The following EPHX4 variants were observed in gnomAD, a reference collection of about 807,000 sequenced individuals.
EPHX4 encodes abhydrolase domain containing 7.
A neutral mutation model predicts 44.9 loss-of-function variants in EPHX4; 31 were observed. That is an observed-to-expected ratio of 0.69 (90% CI 0.52 to 0.93). The LOEUF (loss-of-function observed/expected upper bound fraction) is 0.93. EPHX4 is among the 40% of genes least tolerant of loss of function. The pLI is 0.00. For missense variants in EPHX4, 373 were observed against 438.1 expected (o/e 0.85, Z 1.33); for synonymous variants, 151 against 159.7 (o/e 0.95, Z 0.41).
At chr1:92,031,364 G>A (rs1688357707) in intron 1 of EPHX4, among the ~76,000 whole-genome samples, 1 of 152,100 alleles carries the variant, frequency 6.6e-6, no homozygotes, top group Non-Finnish European at 1.5e-5. Flanking sequence ...TGCAGCTGAG[G>A]GTAAAGTCAG....
At chr1:92,048,252 A>T (rs1688609506) in intron 4 of EPHX4, among the ~76,000 whole-genome samples, 1 of 152,182 alleles carries the variant, frequency 6.6e-6, no homozygotes, top group Admixed American at 6.5e-5. Flanking sequence ...TTAGGATTCA[A>T]ATGTCCTGAG....
intron 1 of EPHX4, among the ~76,000 whole-genome samples, chr1:92,030,640 C>T (rs1279476145): frequency 6.6e-6 from 1 of 152,094 alleles, no homozygotes; most frequent in African/African-American, 2.4e-5. Context: ...TGCTCTTTTT[C>T]CTACTGCAAG....
At chr1:92,032,652 T>G (rs1181476183) in intron 2 of EPHX4, 62 bp downstream of exon 2, 5 of 1,324,832 alleles carry the variant, frequency 3.8e-6, no homozygotes, top group African/African-American at 1.4e-5. Context: ...TCAGTTCATT[T>G]TGTGCTGCTG....
chr1:92,030,261 C>A lies in EPHX4; in HGVS notation c.182C>A (p.Ala61Glu). ...CGGCCCGCCCGGGAGCACCCTCCCG[C>A]GTGCCTGAGCGACCCCTCCTTGGGC... is the stretch of plus-strand genomic sequence containing the variant. ...FRRPAREHPP[A>E]CLSDPSLGTH... Residue 61 changes from alanine (A) to glutamate (E), a missense_variant, in exon 1 of 7, where the codon GCG becomes GAG. By Grantham distance (107) the Ala-to-Glu change is moderately radical. Transcript: ENST00000370383. 6.2e-7 allele frequency: 1 copy of A among 1,601,300 alleles called. No homozygotes were observed. Among genetic ancestry groups the A allele is most frequent in the African/African-American group, 1.3e-5 (1 of 74,684 alleles).
At chr1:92,030,417 G>A in intron 1 of EPHX4, 107 bp downstream of exon 1, 1 of 1,037,240 alleles carries the variant, frequency 9.6e-7, no homozygotes, top group South Asian at 1.7e-5. Flanking sequence ...GTCCCCTAGT[G>A]TCCTGGCAGG....
chr1:92,044,245 T>C (rs1448822258), intron 3 of EPHX4, among the ~76,000 whole-genome samples: 1 of 152,156 alleles, frequency 6.6e-6, no homozygotes, highest in Non-Finnish European at 1.5e-5. Flanking sequence ...TCACATACAA[T>C]ATTGTCATTT....
At chr1:92,057,620 G>A (rs1403158367) in intron 6 of EPHX4, among the ~76,000 whole-genome samples, 4 of 149,228 alleles carry the variant, frequency 2.7e-5, no homozygotes, top group Non-Finnish European at 5.9e-5. Context: ...TTTTTTTTGA[G>A]ACGGAGTCTT....
intron 2 of EPHX4, among the ~76,000 whole-genome samples, chr1:92,034,746 A>T (rs770235012): frequency 1.0e-4 from 15 of 150,472 alleles, no homozygotes; most frequent in Non-Finnish European, 1.8e-4. Flanking sequence ...GGTTCAAGTG[A>T]TTCTCCAGCC....
chr1:92,052,426 C>T (rs1557885504), intron 5 of EPHX4, 84 bp from the exon 6 acceptor site: 8 of 1,327,930 alleles, frequency 6.0e-6, no homozygotes, highest in Non-Finnish European at 8.3e-6. Context: ...ACACAATGAC[C>T]ACCATCCCCT....
intron 1 of EPHX4, among the ~76,000 whole-genome samples, chr1:92,031,026 C>T (rs1042412454): frequency 2.6e-5 from 4 of 152,152 alleles, no homozygotes; most frequent in African/African-American, 9.7e-5. Flanking sequence ...CCGTGATACA[C>T]CCTGCAGTCT....
Position 92,052,520 on chromosome 1 carries a change from A to T in EPHX4, c.719A>T (p.His240Leu). 1.3e-6 allele frequency: 2 copies of T among 1,598,910 alleles called. No individual in the cohort carries two copies. The highest frequency in any genetic ancestry group is 1.7e-6 in the Non-Finnish European group (2 of 1,175,402). The change falls in exon 6 of 7, where the codon CAT (histidine) becomes CTT (leucine). Residue 240 changes from histidine (H) to leucine (L), a missense_variant. Transcript: ENST00000370383. The part of the protein sequence containing the change: ...FSINDFKVLK[H>L]LFTSHSTGIG... ...TCTCACTTAAATTAGGTTTTGAAAC[A>T]TCTGTTTACCAGTCACAGCACTGGC...
At chr1:92,054,204 G>C (rs1647316344) in intron 6 of EPHX4, among the ~76,000 whole-genome samples, 1 of 152,116 alleles carries the variant, frequency 6.6e-6, no homozygotes, top group East Asian at 1.9e-4. Context: ...CAGGAAGCCT[G>C]GCAGAAACAA....
Position 92,032,485 on chromosome 1 carries a change from T to C in EPHX4, c.232-20T>C, listed in dbSNP as rs1281813991. The C allele has an allele frequency of 1.3e-6, 2 of 1,597,212 alleles. No individual in the cohort carries two copies. The highest frequency in any genetic ancestry group is 1.3e-5 in the African/African-American group (1 of 74,606). ...CAATCAACACAAACATCACTAAAAT[T>C]CCATGCCCTCTACTTTCAGGATTCA... is the stretch of plus-strand genomic sequence containing the variant. On this transcript the variant is annotated intron_variant, in intron 1 of 6. Transcript: ENST00000370383.
intron 2 of EPHX4, among the ~76,000 whole-genome samples, chr1:92,041,106 A>G (rs1688502033): frequency 6.6e-6 from 1 of 151,782 alleles, no homozygotes; most frequent in Non-Finnish European, 1.5e-5. Flanking sequence ...AATCTTATGG[A>G]TCTCTCTATT....
At chr1:92,051,220 G>C (rs554993579) in intron 5 of EPHX4, among the ~76,000 whole-genome samples, 1 of 151,472 alleles carries the variant, frequency 6.6e-6, no homozygotes, top group Non-Finnish European at 1.5e-5. Flanking sequence ...AAATAATTAT[G>C]TGTATAACTG....
At position 92,030,490 on chromosome 1, in the gene EPHX4, G is replaced by GTGTGTGTGTGTGTGTGTGTGTGTGT. The variant is rs1383490491; in HGVS notation, c.231+180_231+181insTGTGTGTGTGTGTGTGTGTGTGTGT. Among the ~76,000 whole-genome samples the GTGTGTGTGTGTGTGTGTGTGTGTGT allele has an allele frequency of 5.6e-3, 716 of 127,692 alleles. 16 individuals are homozygous for GTGTGTGTGTGTGTGTGTGTGTGTGT. The highest frequency in any genetic ancestry group is 7.4e-3 in the Middle Eastern group (2 of 270). 83.8% of individuals were successfully genotyped at this position (127,692 alleles called of 152,430 possible). ...TGTGTGTGTGTGTGTGTGTGTGAGA[G>GTGTGTGTGTGTGTGTGTGTGTGTGT]AGAGAGAGAGAGAGAGAGATACAGA... On this transcript the variant is annotated intron_variant, in intron 1 of 6. Transcript: ENST00000370383.
intron 6 of EPHX4, among the ~76,000 whole-genome samples, chr1:92,061,639 T>TA (rs1557887587): frequency 6.6e-6 from 1 of 152,182 alleles, no homozygotes; most frequent in South Asian, 2.1e-4. Flanking sequence ...CCACAAAACC[T>TA]AAATATTCAA....
At chr1:92,037,348 T>C (rs1688453575) in intron 2 of EPHX4, among the ~76,000 whole-genome samples, 1 of 152,216 alleles carries the variant, frequency 6.6e-6, no homozygotes, top group Non-Finnish European at 1.5e-5. Flanking sequence ...TGTATACAAT[T>C]AGCTGTTACA....
intron 6 of EPHX4, among the ~76,000 whole-genome samples, chr1:92,053,817 T>C (rs920117798): frequency 8.5e-5 from 13 of 152,194 alleles, no homozygotes; most frequent in African/African-American, 2.9e-4. Context: ...ATGAATTTTA[T>C]TGATCTTAGG....
Sources: gnomAD v4.1 joint callset for allele counts (sites outside exome capture counted in the v4.1 genomes callset) on GRCh38, gnomAD v4.1.1 for gene constraint, MANE v1.5 for transcripts, NCBI Gene and HGNC (gene_info 2026-07-23, HGNC 2026-07-21) for gene names.